The following MYO6 variants were observed in gnomAD, a reference collection of about 807,000 sequenced individuals.
MYO6 encodes unconventional myosin-VI.
A neutral mutation model predicts 178.7 loss-of-function variants in MYO6; 74 were observed. The observed-to-expected ratio is 0.41, with a 90% CI of 0.34 to 0.50. The LOEUF is 0.50. MYO6 is among the 20% of genes least tolerant of loss of function. MYO6 has a pLI of 0.09. For missense variants in MYO6, 1,330 were observed against 1,547.4 expected (o/e 0.86, Z 2.36); for synonymous variants, 477 against 504.6 (o/e 0.95, Z 0.73).
At chr6:75,883,964 T>C (rs1439741782) in intron 23 of MYO6, among the ~76,000 whole-genome samples, 1 of 152,246 alleles carries the variant, frequency 6.6e-6, no homozygotes, top group Admixed American at 6.5e-5. Context: ...GAACTATTAA[T>C]ATAAAAAGAA....
chr6:75,867,573 A>T (rs965629625), intron 18 of MYO6: 1 of 157,134 alleles, frequency 6.4e-6, no homozygotes, highest in African/African-American at 2.4e-5. Context: ...CTGCCATGTT[A>T]AAAAGAGCCC....
chr6:75,915,279 T>C lies in MYO6; in HGVS notation c.*267T>C. 2.1e-6 allele frequency: 1 copy of C among 486,684 alleles called. No homozygotes were observed. The highest frequency in any genetic ancestry group is 3.8e-6 in the Non-Finnish European group (1 of 266,618). The allele number at this position is 486,684 out of a possible 1,614,324, so 30.1% of individuals were successfully genotyped here. ...ACACATGGGCATATTCTGATGTTTC[T>C]CATCCTTTGCCAGAAGACTACCTTA... On this transcript the variant is annotated 3_prime_UTR_variant, in exon 35 of 35. Coordinates refer to ENST00000369977, the MANE Select transcript of MYO6 (RefSeq NM_004999.4).
At chr6:75,792,748 A>C (rs1321055183) in intron 1 of MYO6, among the ~76,000 whole-genome samples, 1 of 152,056 alleles carries the variant, frequency 6.6e-6, no homozygotes, top group Non-Finnish European at 1.5e-5. Flanking sequence ...TGTATATTTG[A>C]ACATTTCTGT....
At chr6:75,802,529 G>T (rs1400932635) in intron 1 of MYO6, among the ~76,000 whole-genome samples, 7 of 147,682 alleles carry the variant, frequency 4.7e-5, no homozygotes, top group African/African-American at 1.8e-4. Context: ...TGTCACCCAG[G>T]CTGGAGTGTA....
intron 31 of MYO6, 26 bp from the exon 32 acceptor site, chr6:75,908,470 T>G: frequency 1.9e-6 from 3 of 1,610,374 alleles, no homozygotes; most frequent in Non-Finnish European, 2.5e-6. Flanking sequence ...TGTCAATTTT[T>G]TTTTTTTGCT....
At chr6:75,833,072 G>T in intron 6 of MYO6, 125 bp downstream of exon 6, 1 of 705,424 alleles carries the variant, frequency 1.4e-6, no homozygotes, top group South Asian at 1.5e-5. Flanking sequence ...CTGTAGCCTT[G>T]ACCTCCTGGG....
At chr6:75,831,971 C>G (rs1027439336) in intron 5 of MYO6, among the ~76,000 whole-genome samples, 1 of 152,010 alleles carries the variant, frequency 6.6e-6, no homozygotes, top group Admixed American at 6.6e-5. Context: ...TTGCATTCTC[C>G]CCTTAGAGTA....
intron 1 of MYO6, among the ~76,000 whole-genome samples, chr6:75,782,962 TG>T (rs1767139701): frequency 6.7e-6 from 1 of 149,850 alleles, no homozygotes. Flanking sequence ...TCACCCAGGC[TG>T]GAGTGCAGTG....
intron 2 of MYO6, among the ~76,000 whole-genome samples, chr6:75,818,672 G>C (rs1167115225): frequency 1.3e-5 from 2 of 152,050 alleles, no homozygotes; most frequent in African/African-American, 4.8e-5. Flanking sequence ...AAACAAGGTG[G>C]ATCTCTCATG....
intron 8 of MYO6, 136 bp from the exon 9 acceptor site, chr6:75,841,078 T>C: frequency 5.9e-6 from 5 of 852,934 alleles, no homozygotes; most frequent in South Asian, 1.6e-5. Context: ...ATTTGTTTTT[T>C]CCCCTTTATT....
intron 1 of MYO6, among the ~76,000 whole-genome samples, chr6:75,802,404 G>C (rs1769562875): frequency 6.6e-6 from 1 of 151,764 alleles, no homozygotes. Context: ...GGGAGGTGAA[G>C]GTTGCAGTGA....
intron 1 of MYO6, among the ~76,000 whole-genome samples, chr6:75,805,364 ACAGCT>A (rs1227130396): frequency 6.6e-6 from 1 of 152,142 alleles, no homozygotes; most frequent in Non-Finnish European, 1.5e-5. Context: ...ATGGCAGGCA[ACAGCT>A]CATGTTTTGT....
At chr6:75,829,831 G>A (rs1772893141) in intron 4 of MYO6, among the ~76,000 whole-genome samples, 1 of 152,068 alleles carries the variant, frequency 6.6e-6, no homozygotes, top group Non-Finnish European at 1.5e-5. Flanking sequence ...TCTAGGCAAT[G>A]GTTAACATAT....
chr6:75,882,484 C>T (rs1468708920), intron 23 of MYO6, among the ~76,000 whole-genome samples: 1 of 152,082 alleles, frequency 6.6e-6, no homozygotes, highest in Non-Finnish European at 1.5e-5. Flanking sequence ...CTTCCCCCAC[C>T]ATCCCCTCTT....
intron 1 of MYO6, among the ~76,000 whole-genome samples, chr6:75,771,515 TAG>T (rs1765894081): frequency 6.6e-6 from 1 of 152,148 alleles, no homozygotes; most frequent in African/African-American, 2.4e-5. Flanking sequence ...TCTCTCTAAA[TAG>T]AGTTTAGAGA....
chr6:75,773,456 A>T (rs1325945129), intron 1 of MYO6, among the ~76,000 whole-genome samples: 1 of 152,244 alleles, frequency 6.6e-6, no homozygotes, highest in Non-Finnish European at 1.5e-5. Flanking sequence ...TCATGTATCA[A>T]TCAGTATTTT....
intron 11 of MYO6, among the ~76,000 whole-genome samples, chr6:75,848,873 A>G (rs891225609): frequency 1.3e-5 from 2 of 152,264 alleles, no homozygotes; most frequent in East Asian, 1.9e-4. Context: ...ATTCTCTATC[A>G]TCTATTAAGG....
At position 75,848,545 on chromosome 6, in the gene MYO6, T is replaced by A; in HGVS notation, c.1078+14T>A. ...GCAGCACTTCAGGTTTGCTTTTTAT[T>A]TTTTTAAGAGGAAAAAAATTAAATA... On this transcript the variant is annotated intron_variant, in intron 11 of 34. Coordinates refer to ENST00000369977, the MANE Select transcript of MYO6 (RefSeq NM_004999.4). 6.2e-7 allele frequency: 1 copy of A among 1,610,288 alleles called. No individual in the cohort carries two copies. The highest frequency in any genetic ancestry group is 8.5e-7 in the Non-Finnish European group (1 of 1,178,640).
At chr6:75,819,651 G>A (rs745750931) in intron 2 of MYO6, among the ~76,000 whole-genome samples, 7 of 152,252 alleles carry the variant, frequency 4.6e-5, no homozygotes, top group Non-Finnish European at 8.8e-5. Context: ...ACAACTGTGT[G>A]TGTAGTGTTT....
Sources: gnomAD v4.1 joint callset for allele counts (sites outside exome capture counted in the v4.1 genomes callset) on GRCh38, gnomAD v4.1.1 for gene constraint, MANE v1.5 for transcripts, NCBI Gene and HGNC (gene_info 2026-07-23, HGNC 2026-07-21) for gene names.